The following SPTLC1 variants were observed in gnomAD, a reference collection of about 807,000 sequenced individuals.
The protein encoded by SPTLC1 is serine palmitoyltransferase 1.
SPTLC1 carries 55 observed loss-of-function variants against 68.9 expected under a neutral mutation model. That is an observed-to-expected ratio of 0.80 (90% CI 0.64 to 1.00). The LOEUF (loss-of-function observed/expected upper bound fraction) is 1.00, where lower values mean the gene tolerates loss of function less well. SPTLC1 is among the 50% of genes least tolerant of loss of function. The pLI is 0.00. For synonymous variants in SPTLC1, 197 were observed against 201.6 expected (o/e 0.98, Z 0.19); for missense variants, 449 against 573.1 (o/e 0.78, Z 2.21).
chr9:92,102,554 G>C (rs1835794086), intron 3 of SPTLC1, among the ~76,000 whole-genome samples: 1 of 152,194 alleles, frequency 6.6e-6, no homozygotes, highest in Admixed American at 6.5e-5. Flanking sequence ...TGTGGGGGTA[G>C]TATAGCAGGT....
At chr9:92,065,786 G>C (rs1348408918) in intron 6 of SPTLC1, among the ~76,000 whole-genome samples, 2 of 151,954 alleles carry the variant, frequency 1.3e-5, no homozygotes, top group Non-Finnish European at 2.9e-5. Context: ...TCATTTTTAT[G>C]GTCACATTAG....
In SPTLC1 at chr9:92,082,230, CTATTT is replaced by C. The variant is rs571000941; in HGVS notation, c.261-1272_261-1268del. ...CTTCCCTAAGGCTTCAAGGGCTTCTCTATTTTATTTTATTTTATTATTATTATACT... is the reference window on the plus strand; with the variant it reads ...CTTCCCTAAGGCTTCAAGGGCTTCTCTATTTTATTTTATTATTATTATACT... On this transcript the variant is annotated intron_variant, in intron 3 of 14. Coordinates refer to ENST00000262554, the MANE Select transcript of SPTLC1 (RefSeq NM_006415.4). Among the ~76,000 whole-genome samples the C allele has an allele frequency of 4.8e-3, 727 of 151,990 alleles. 3 individuals carry two copies. Among genetic ancestry groups the C allele is most frequent in the African/African-American group, 0.011 (472 of 41,448 alleles).
chr9:92,039,436 T>A (rs1260126600), intron 12 of SPTLC1, among the ~76,000 whole-genome samples: 3 of 147,988 alleles, frequency 2.0e-5, no homozygotes, highest in Non-Finnish European at 3.0e-5. Context: ...TATTATTATT[T>A]TTGAGATGGC....
intron 12 of SPTLC1, among the ~76,000 whole-genome samples, chr9:92,040,254 C>G (rs1358923976): frequency 1.3e-5 from 2 of 151,858 alleles, no homozygotes; most frequent in Non-Finnish European, 2.9e-5. Context: ...CCTATAATCC[C>G]AGCTACTCGG....
intron 2 of SPTLC1, chr9:92,109,625 T>G (rs994758217): frequency 6.6e-6 from 1 of 152,264 alleles, no homozygotes; most frequent in Admixed American, 6.5e-5. Context: ...TTTCATGGAC[T>G]TCATGTTACT....
rs778790410 is a variant in SPTLC1 at position 92,032,452 on chromosome 9, C to T, written c.*13G>A. ...GTGTTGTGTGGCAGGAGGCCATGGT[C>T]CCGGGACTCTGCCTAGAGCAGGACG... On this transcript the variant is annotated 3_prime_UTR_variant, in exon 15 of 15. Coordinates refer to ENST00000262554, the MANE Select transcript of SPTLC1 (RefSeq NM_006415.4). The T allele has an allele frequency of 1.9e-6, 3 of 1,614,042 alleles. No homozygotes were observed. The highest frequency in any genetic ancestry group is 4.5e-5 in the East Asian group (2 of 44,890).
At chr9:92,048,530 A>G (rs916443107) in intron 9 of SPTLC1, among the ~76,000 whole-genome samples, 3 of 152,212 alleles carry the variant, frequency 2.0e-5, no homozygotes, top group Non-Finnish European at 4.4e-5. Context: ...AGAACAGAAC[A>G]AAGAATCCCC....
rs1418479432 is a variant in SPTLC1 at position 92,034,899 on chromosome 9, G to A, written c.1255-16C>T. 5.6e-6 allele frequency: 9 copies of A among 1,608,400 alleles called. No homozygotes were observed. The East Asian group carries it at 2.0e-4, about 36-fold the overall frequency. Reference sequence around the variant, plus strand: ...TGTTCATGCACTGTAGGAAGAAAAAGAAGACATCTGCAACCTGGACTTCAG... The same window carrying A: ...TGTTCATGCACTGTAGGAAGAAAAAAAAGACATCTGCAACCTGGACTTCAG... On this transcript the variant is annotated splice_polypyrimidine_tract_variant and intron_variant, in intron 13 of 14. Transcript: ENST00000262554.
intron 13 of SPTLC1, among the ~76,000 whole-genome samples, chr9:92,036,952 T>G (rs1296459912): frequency 6.6e-6 from 1 of 152,220 alleles, no homozygotes; most frequent in East Asian, 1.9e-4. Flanking sequence ...CCTCACAAGA[T>G]AAGTAGCTCC....
intron 6 of SPTLC1, among the ~76,000 whole-genome samples, chr9:92,067,371 G>A (rs1347965256): frequency 6.6e-6 from 1 of 152,038 alleles, no homozygotes; most frequent in African/African-American, 2.4e-5. Context: ...TCCACTCATA[G>A]GACGACAGGG....
In SPTLC1 at chr9:92,032,464, C is replaced by T. The variant is rs1195385179; in HGVS notation, c.*1G>A. 1.2e-6 allele frequency: 2 copies of T among 1,614,056 alleles called. No homozygotes were observed. Among genetic ancestry groups the T allele is most frequent in the African/African-American group, 1.3e-5 (1 of 74,932 alleles). ...AGGAGGCCATGGTCCCGGGACTCTG[C>T]CTAGAGCAGGACGGCCTGGGCTACC... is the stretch of plus-strand genomic sequence containing the variant. On this transcript the variant is annotated 3_prime_UTR_variant, in exon 15 of 15. Transcript: ENST00000262554.
chr9:92,058,393 G>A (rs894112120), intron 7 of SPTLC1, among the ~76,000 whole-genome samples: 1 of 151,738 alleles, frequency 6.6e-6, no homozygotes, highest in African/African-American at 2.4e-5. Context: ...GAGTTGCACT[G>A]GCAAAGTCCA....
intron 3 of SPTLC1, among the ~76,000 whole-genome samples, chr9:92,098,553 C>T (rs1835625458): frequency 6.6e-6 from 1 of 151,402 alleles, no homozygotes. Context: ...TTCTTGATGA[C>T]AATAAAAATA....
chr9:92,051,208 T>C, intron 8 of SPTLC1: 4 of 980,858 alleles, frequency 4.1e-6, no homozygotes, highest in Non-Finnish European at 4.8e-6. Context: ...TCCTCAGAAA[T>C]AGTGAAAACA....
At chr9:92,076,894 A>C (rs1377536265) in intron 5 of SPTLC1, 1 of 152,142 alleles carries the variant, frequency 6.6e-6, no homozygotes, top group Non-Finnish European at 1.5e-5. Flanking sequence ...CCTTCTTCTA[A>C]CAGACATAAT....
chr9:92,094,042 T>C (rs1179053283), intron 3 of SPTLC1, among the ~76,000 whole-genome samples: 1 of 152,200 alleles, frequency 6.6e-6, no homozygotes, highest in Non-Finnish European at 1.5e-5. Flanking sequence ...ATATTAAAAA[T>C]CTAAAAGGTA....
intron 12 of SPTLC1, among the ~76,000 whole-genome samples, chr9:92,042,249 A>G (rs1833376915): frequency 6.6e-6 from 1 of 152,258 alleles, no homozygotes; most frequent in Admixed American, 6.5e-5. Context: ...CCACTGTTCA[A>G]TACAAATTAG....
intron 6 of SPTLC1, among the ~76,000 whole-genome samples, chr9:92,061,651 A>T (rs1300904567): frequency 2.6e-5 from 4 of 152,210 alleles, no homozygotes; most frequent in Non-Finnish European, 5.9e-5. Flanking sequence ...CAGTTAAAGC[A>T]AAAATTAAAA....
chr9:92,043,024 C>A (rs6479400), intron 12 of SPTLC1, among the ~76,000 whole-genome samples: 1 of 151,924 alleles, frequency 6.6e-6, no homozygotes, highest in South Asian at 2.1e-4. Context: ...GTTTCTTAGT[C>A]CCTCTTCAGA....
Sources: allele counts gnomAD v4.1 joint callset (sites outside exome capture counted in the v4.1 genomes callset), GRCh38; gene constraint gnomAD v4.1.1; transcripts MANE v1.5; gene names NCBI Gene and HGNC (gene_info 2026-07-23, HGNC 2026-07-21).